The following SYT16 variants were observed in gnomAD, a reference collection of about 807,000 sequenced individuals.
The protein encoded by SYT16 is synaptotagmin-16.
A neutral mutation model predicts 61.4 loss-of-function variants in SYT16; 42 were observed. The observed-to-expected ratio is 0.68, with a 90% CI of 0.53 to 0.89. SYT16 has a LOEUF of 0.89. SYT16 is among the 40% of genes least tolerant of loss of function. The probability of loss-of-function intolerance (pLI) is 0.00; values close to 1 mark genes in which losing one functional copy is unlikely to be tolerated. For synonymous variants in SYT16, 314 were observed against 302.3 expected (o/e 1.04, Z -0.40); for missense variants, 804 against 807.3 (o/e 1.00, Z 0.05).
At chr14:61,823,598 A>G (rs1427319325) in intron 1 of SYT16, among the ~76,000 whole-genome samples, 2 of 146,074 alleles carry the variant, frequency 1.4e-5, no homozygotes, top group Non-Finnish European at 3.0e-5. Context: ...AAAAAAAAAG[A>G]AGAATTAGCT....
intron 3 of SYT16, among the ~76,000 whole-genome samples, chr14:62,043,934 A>T (rs549907997): frequency 6.6e-6 from 1 of 152,228 alleles, no homozygotes; most frequent in Non-Finnish European, 1.5e-5. Flanking sequence ...CGGCCTCTCA[A>T]AGTGCTGGGA....
chr14:61,871,953 ATAT>A (rs1407516081), intron 1 of SYT16, among the ~76,000 whole-genome samples: 1 of 152,092 alleles, frequency 6.6e-6, no homozygotes, highest in Non-Finnish European at 1.5e-5. Flanking sequence ...TATTTTGGGA[ATAT>A]TATCTTCTTT....
intron 1 of SYT16, among the ~76,000 whole-genome samples, chr14:61,901,589 TG>T (rs1288062350): frequency 1.3e-5 from 2 of 152,096 alleles, no homozygotes; most frequent in African/African-American, 2.4e-5. Context: ...TTAATAATTC[TG>T]GGTTCCCCCT....
At chr14:61,978,912 C>A (rs1357209200) in intron 2 of SYT16, among the ~76,000 whole-genome samples, 2 of 152,122 alleles carry the variant, frequency 1.3e-5, no homozygotes, top group East Asian at 3.8e-4. Context: ...TTGTCTATTC[C>A]ATAAGATTAT....
intron 1 of SYT16, among the ~76,000 whole-genome samples, chr14:61,839,565 A>G (rs968287057): frequency 6.6e-6 from 1 of 152,240 alleles, no homozygotes; most frequent in Admixed American, 6.5e-5. Flanking sequence ...GAAAAGAGTG[A>G]GGTGCAGTAC....
chr14:62,100,775 G>A lies in SYT16; in HGVS notation c.*68G>A. 2 of 1,509,542 alleles carry A rather than the reference G, an allele frequency of 1.3e-6. No individual in the cohort carries two copies. Among genetic ancestry groups the A allele is most frequent in the Non-Finnish European group, 1.8e-6 (2 of 1,120,192 alleles). 93.5% of individuals were successfully genotyped at this position (1,509,542 alleles called of 1,614,324 possible). Reference sequence around the variant, plus strand: ...CTGTGTTGCTGTCTACTGACACTAAGTGTCCTGGCAAGGGTTTCAGGGTTT... The same window carrying A: ...CTGTGTTGCTGTCTACTGACACTAAATGTCCTGGCAAGGGTTTCAGGGTTT... On this transcript the variant is annotated 3_prime_UTR_variant, in exon 8 of 8. Transcript: ENST00000683842.
chr14:61,969,385 A>G (rs1474974143), intron 1 of SYT16, among the ~76,000 whole-genome samples: 2 of 152,166 alleles, frequency 1.3e-5, no homozygotes, highest in African/African-American at 4.8e-5. Flanking sequence ...ATATACTTAT[A>G]GCTGAATGCA....
chr14:61,913,244 C>G (rs922412429), intron 1 of SYT16, among the ~76,000 whole-genome samples: 2 of 152,094 alleles, frequency 1.3e-5, no homozygotes, highest in African/African-American at 2.4e-5. Context: ...GTGACCGTGT[C>G]CCCAGAGCTG....
intron 1 of SYT16, among the ~76,000 whole-genome samples, chr14:61,822,354 G>C (rs2045643990): frequency 6.6e-6 from 1 of 152,190 alleles, no homozygotes. Context: ...CCAGCCAACT[G>C]GATGGTGCCT....
intron 2 of SYT16, among the ~76,000 whole-genome samples, chr14:61,990,643 T>C (rs2052509523): frequency 6.6e-6 from 1 of 152,168 alleles, no homozygotes; most frequent in Non-Finnish European, 1.5e-5. Context: ...TGCTTTAGCT[T>C]TCACCAAAAT....
At chr14:61,944,868 A>G (rs1032844967) in intron 1 of SYT16, among the ~76,000 whole-genome samples, 6 of 152,264 alleles carry the variant, frequency 3.9e-5, no homozygotes, top group African/African-American at 1.4e-4. Flanking sequence ...CAATGGCAAC[A>G]AAAACCAAAA....
chr14:61,927,819 G>C (rs962420715), intron 1 of SYT16, among the ~76,000 whole-genome samples: 6 of 152,152 alleles, frequency 3.9e-5, no homozygotes, highest in African/African-American at 1.4e-4. Flanking sequence ...TTATGACTTA[G>C]AGTTAGAAAA....
chr14:61,975,560 AG>A (rs983540374), intron 2 of SYT16, among the ~76,000 whole-genome samples: 11 of 152,206 alleles, frequency 7.2e-5, no homozygotes, highest in Non-Finnish European at 1.5e-4. Flanking sequence ...TGCCAAGTGA[AG>A]GGGGAAGAGT....
intron 3 of SYT16, among the ~76,000 whole-genome samples, chr14:62,028,710 G>A (rs2054193837): frequency 6.6e-6 from 1 of 152,138 alleles, no homozygotes; most frequent in Non-Finnish European, 1.5e-5. Context: ...CATTCTGAGA[G>A]ACCAAAGTCT....
intron 1 of SYT16, among the ~76,000 whole-genome samples, chr14:61,895,103 A>T (rs989425255): frequency 6.6e-6 from 1 of 152,222 alleles, no homozygotes; most frequent in African/African-American, 2.4e-5. Context: ...GGAAGTTGGT[A>T]TCGTTAATGG....
intron 1 of SYT16, among the ~76,000 whole-genome samples, chr14:61,894,829 T>A (rs2048269941): frequency 6.6e-6 from 1 of 152,178 alleles, no homozygotes. Context: ...AATTATAAAA[T>A]AAATATTTAC....
At chr14:62,021,456 T>C (rs1468355320) in intron 3 of SYT16, among the ~76,000 whole-genome samples, 1 of 147,916 alleles carries the variant, frequency 6.8e-6, no homozygotes, top group Non-Finnish European at 1.5e-5. Context: ...TTGAGGTTAT[T>C]TTATTTTATT....
intron 3 of SYT16, among the ~76,000 whole-genome samples, chr14:62,033,007 G>A: frequency 7.7e-6 from 1 of 130,598 alleles, no homozygotes; most frequent in African/African-American, 3.4e-5. Context: ...AACAAACTTT[G>A]AAAAACATTT....
intron 3 of SYT16, among the ~76,000 whole-genome samples, chr14:62,059,677 A>ATAATTTATATATGTG (rs1555378057): frequency 2.2e-4 from 32 of 146,708 alleles, no homozygotes; most frequent in African/African-American, 8.0e-4. Flanking sequence ...ATACATATAT[A>ATAATTTATATATGTG]TAATTTATAT....
Sources: gnomAD v4.1 joint callset for allele counts (sites outside exome capture counted in the v4.1 genomes callset) on GRCh38, gnomAD v4.1.1 for gene constraint, MANE v1.5 for transcripts, NCBI Gene and HGNC (gene_info 2026-07-23, HGNC 2026-07-21) for gene names.